Variants in TRAK1 observed in about 807,000 individuals in gnomAD.
The protein encoded by TRAK1 is trafficking kinesin protein 1.
In TRAK1, 33 loss-of-function variants were observed where a neutral mutation model predicts 92.1. The observed-to-expected ratio is 0.36, with a 90% CI of 0.27 to 0.48. TRAK1 has a LOEUF of 0.48. Ranked by LOEUF, TRAK1 falls within the 20% of genes least tolerant of loss-of-function variation. The pLI is 0.99. For missense variants in TRAK1, 1,123 were observed against 1,257.9 expected (o/e 0.89, Z 1.62); for synonymous variants, 521 against 517.3 (o/e 1.01, Z -0.10).
intron 11 of TRAK1, among the ~76,000 whole-genome samples, 178 bp downstream of exon 11, chr3:42,199,431 T>C (rs1379434248): frequency 6.6e-6 from 1 of 152,160 alleles, no homozygotes; most frequent in African/African-American, 2.4e-5. Flanking sequence ...GCTCCTCTTA[T>C]TATCTTTTGT....
At chr3:42,142,073 A>G (rs1471427890) in intron 2 of TRAK1, among the ~76,000 whole-genome samples, 2 of 152,180 alleles carry the variant, frequency 1.3e-5, no homozygotes, top group Non-Finnish European at 2.9e-5. Context: ...TGGAGGTTGC[A>G]GTGAGCTGAG....
At chr3:42,100,125 C>T (rs1159266756) in intron 1 of TRAK1, among the ~76,000 whole-genome samples, 4 of 151,992 alleles carry the variant, frequency 2.6e-5, no homozygotes, top group Admixed American at 6.6e-5. Context: ...TTTGGGAGGC[C>T]GAGGCAGGAG....
intron 1 of TRAK1, among the ~76,000 whole-genome samples, chr3:42,033,469 G>A (rs1335303065): frequency 6.6e-6 from 1 of 152,114 alleles, no homozygotes; most frequent in Non-Finnish European, 1.5e-5. Context: ...CACGCCTGTG[G>A]TCTTAGCTAT....
intron 1 of TRAK1, among the ~76,000 whole-genome samples, chr3:42,114,178 C>T (rs1433172742): frequency 6.6e-6 from 1 of 152,002 alleles, no homozygotes; most frequent in Non-Finnish European, 1.5e-5. Flanking sequence ...CTTACTGTGG[C>T]TGAATAATAC....
chr3:42,041,096 C>T (rs1351807139), intron 1 of TRAK1, among the ~76,000 whole-genome samples: 1 of 144,124 alleles, frequency 6.9e-6, no homozygotes, highest in Non-Finnish European at 1.5e-5. Context: ...AGTTTCCTTA[C>T]ATTTCCACAT....
chr3:42,034,941 C>T (rs780048186), intron 1 of TRAK1, among the ~76,000 whole-genome samples: 27 of 152,166 alleles, frequency 1.8e-4, no homozygotes, highest in Non-Finnish European at 1.9e-4. Flanking sequence ...ATCTCACCAT[C>T]CTGTTACATG....
chr3:42,134,027 T>C (rs909146985), intron 2 of TRAK1, among the ~76,000 whole-genome samples: 6 of 152,282 alleles, frequency 3.9e-5, no homozygotes, highest in African/African-American at 1.4e-4. Context: ...ACAGACAGGT[T>C]GGGAACACAC....
At chr3:42,217,394 T>C in intron 14 of TRAK1, 2 of 985,418 alleles carry the variant, frequency 2.0e-6, no homozygotes, top group Non-Finnish European at 2.4e-6. Context: ...CGGCTATTCA[T>C]TGCTTCTGGG....
intron 2 of TRAK1, among the ~76,000 whole-genome samples, chr3:42,159,609 G>T (rs937727239): frequency 2.6e-5 from 4 of 152,188 alleles, no homozygotes; most frequent in Non-Finnish European, 5.9e-5. Flanking sequence ...TGGAAACACA[G>T]ATTTAGGGTA....
At chr3:42,177,297 A>G (rs1267656065) in intron 3 of TRAK1, among the ~76,000 whole-genome samples, 1 of 150,342 alleles carries the variant, frequency 6.7e-6, no homozygotes, top group Non-Finnish European at 1.5e-5. Context: ...CAGCGTGGAA[A>G]TAAGTAAAAT....
At chr3:42,017,830 T>A (rs774563727) in intron 1 of TRAK1, among the ~76,000 whole-genome samples, 1 of 152,178 alleles carries the variant, frequency 6.6e-6, no homozygotes, top group Non-Finnish European at 1.5e-5. Flanking sequence ...TTGGACTTAA[T>A]TTTTTTGTTT....
intron 1 of TRAK1, among the ~76,000 whole-genome samples, chr3:42,076,370 T>A (rs1318443604): frequency 6.6e-6 from 1 of 151,310 alleles, no homozygotes; most frequent in Non-Finnish European, 1.5e-5. Context: ...GGTTTACAGG[T>A]GCTCGCCACC....
chr3:42,086,734 A>G (rs1191877613), upstream of TRAK1, among the ~76,000 whole-genome samples: 1 of 152,152 alleles, frequency 6.6e-6, no homozygotes, highest in Non-Finnish European at 1.5e-5. Context: ...TTTAAGAGAA[A>G]CATATCTTAT....
chr3:42,015,673 A>G (rs937592172), intron 1 of TRAK1, among the ~76,000 whole-genome samples: 3 of 152,224 alleles, frequency 2.0e-5, no homozygotes, highest in Non-Finnish European at 2.9e-5. Context: ...GAGCCCCAAC[A>G]GGGATAATAA....
intron 1 of TRAK1, among the ~76,000 whole-genome samples, chr3:42,019,210 A>G (rs988418081): frequency 6.6e-6 from 1 of 152,222 alleles, no homozygotes; most frequent in Non-Finnish European, 1.5e-5. Flanking sequence ...GAGATAAAGC[A>G]TTTATGCATA....
rs137952046 is a variant in TRAK1, at chr3:42,224,149, C to G, written c.*412C>G. ...GCACACCACGAGCTGTCACGCGGCA[C>G]GGGTCATAACACATCTGGGTGTCAT... On this transcript the variant is annotated 3_prime_UTR_variant, in exon 16 of 16. Coordinates refer to ENST00000327628, the MANE Select transcript of TRAK1 (RefSeq NM_001042646.3). 4.4e-6 allele frequency: 2 copies of G among 455,120 alleles called. No homozygotes were observed. Among genetic ancestry groups the G allele is most frequent in the Non-Finnish European group, 8.8e-6 (2 of 227,414 alleles). The allele number at this position is 455,120 out of a possible 1,614,324, so 28.2% of individuals were successfully genotyped here. A position where few individuals can be genotyped will look rare whatever the true frequency, so the allele number is the denominator to read the frequency against.
intron 1 of TRAK1, among the ~76,000 whole-genome samples, chr3:42,061,318 G>A (rs1411581515): frequency 2.3e-4 from 2 of 8,536 alleles, no homozygotes; most frequent in East Asian, 4.3e-3. Flanking sequence ...CCTCCCCCAC[G>A]CACACCCCCC....
chr3:42,108,992 C>T (rs1707971649), intron 1 of TRAK1, among the ~76,000 whole-genome samples: 1 of 152,102 alleles, frequency 6.6e-6, no homozygotes, highest in Admixed American at 6.6e-5. Flanking sequence ...TCAGTGAGGT[C>T]AGGATCTTTG....
upstream of TRAK1, among the ~76,000 whole-genome samples, chr3:42,082,343 A>T (rs1704475957): frequency 6.6e-6 from 1 of 152,204 alleles, no homozygotes; most frequent in South Asian, 2.1e-4. Context: ...TCACGCCTGT[A>T]ATCCCAGCAC....
Sources: gnomAD v4.1 joint callset for allele counts (sites outside exome capture counted in the v4.1 genomes callset) on GRCh38, gnomAD v4.1.1 for gene constraint, MANE v1.5 for transcripts, NCBI Gene and HGNC (gene_info 2026-07-23, HGNC 2026-07-21) for gene names.